CFAP74: variants seen among roughly 807,000 people sequenced by gnomAD.
The protein encoded by CFAP74 is cilia- and flagella-associated protein 74.
CFAP74 carries 124 observed loss-of-function variants against 188.9 expected under a neutral mutation model. The observed-to-expected ratio is 0.66, with a 90% CI of 0.57 to 0.76. The LOEUF (loss-of-function observed/expected upper bound fraction) is 0.76, where lower values mean the gene tolerates loss of function less well. Among genes scored for constraint, CFAP74 ranks in the 30% least tolerant of loss-of-function variants. The pLI is 0.00. For missense variants in CFAP74, 2,198 were observed against 2,165.2 expected, an observed-to-expected ratio of 1.02 and a Z score of -0.30; for synonymous variants, 956 against 916.7, an observed-to-expected ratio of 1.04 and a Z score of -0.77.
At chr1:1,925,539 A>G (rs1452852620) in intron 33 of CFAP74, among the ~76,000 whole-genome samples, 2 of 152,130 alleles carry the variant, frequency 1.3e-5, no homozygotes, top group Non-Finnish European at 2.9e-5. Context: ...AAAGAGCGCC[A>G]AGGAGGACAG....
chr1:1,981,521 G>T, intron 6 of CFAP74, among the ~76,000 whole-genome samples: 1 of 119,178 alleles, frequency 8.4e-6, no homozygotes, highest in Non-Finnish European at 1.7e-5. Flanking sequence ...ACAGACATGG[G>T]GGCACGCAGG....
At chr1:1,945,842 A>AC in intron 20 of CFAP74, among the ~76,000 whole-genome samples, 1 of 144,026 alleles carries the variant, frequency 6.9e-6, no homozygotes. Context: ...AAAAAAAAAA[A>AC]AAAGAACAAA....
intron 18 of CFAP74, 106 bp from the exon 19 acceptor site, chr1:1,947,160 C>T: frequency 1.2e-6 from 1 of 837,722 alleles, no homozygotes. Flanking sequence ...ATCCTGGGCT[C>T]TGTTCTTTCT....
intron 9 of CFAP74, among the ~76,000 whole-genome samples, chr1:1,971,047 GCA>G (rs1283144683): frequency 2.6e-4 from 38 of 143,858 alleles, no homozygotes; most frequent in African/African-American, 8.8e-4. Context: ...GCACACACGT[GCA>G]CACACATGCT....
At chr1:1,977,061 G>A (rs1656497855) in intron 6 of CFAP74, among the ~76,000 whole-genome samples, 1 of 151,762 alleles carries the variant, frequency 6.6e-6, no homozygotes, top group Admixed American at 6.6e-5. Flanking sequence ...TGTTAGCCAG[G>A]ATGGTCTCAA....
chr1:1,971,021 TCA>T lies in CFAP74; in HGVS notation c.889-207_889-206del, dbSNP rs543959317. ...ACACGCACACCTGCACATGCACACATCACACATGCACACCTGCACACACGTGC... is the reference window on the plus strand; with the variant it reads ...ACACGCACACCTGCACATGCACACATCACATGCACACCTGCACACACGTGC... On this transcript the variant is annotated intron_variant, in intron 9 of 38. Coordinates refer to ENST00000682832, the MANE Select transcript of CFAP74 (RefSeq NM_001304360.2). 2.3e-3 allele frequency among the ~76,000 whole-genome samples: 279 copies of T among 123,940 alleles called. 1 individual carries two copies. The highest frequency in any genetic ancestry group is 8.6e-3 in the African/African-American group (270 of 31,558). 81.3% of individuals were successfully genotyped at this position (123,940 alleles called of 152,430 possible).
Position 1,973,077 on chromosome 1 carries a change from A to G in CFAP74, c.675-30T>C. ...GGGGATATGGGGCCGTCAGAGGGAA[A>G]CTCGGCATCACACGTCCCATCTGCC... On this transcript the variant is annotated intron_variant, in intron 7 of 38. Coordinates refer to ENST00000682832, the MANE Select transcript of CFAP74 (RefSeq NM_001304360.2). The surrounding 1 kb of genome is among the most constrained non-coding windows in gnomAD (Gnocchi z 6.2). 1 of 1,517,088 alleles carries G rather than the reference A, an allele frequency of 6.6e-7. No individual in the cohort carries two copies. The highest frequency in any genetic ancestry group is 9.1e-7 in the Non-Finnish European group (1 of 1,097,564). 94.0% of individuals were successfully genotyped at this position (1,517,088 alleles called of 1,614,324 possible). A position where few individuals can be genotyped will look rare whatever the true frequency, so the allele number is the denominator to read the frequency against.
chr1:1,991,213 T>C (rs13303233), intron 1 of CFAP74, among the ~76,000 whole-genome samples: 94,934 of 152,082 alleles, frequency 0.62, 31,006 homozygotes, highest in African/African-American at 0.82. Context: ...CGGTGGCTCA[T>C]GCCTGTAATC....
rs146184126 is a variant in CFAP74 at position 1,956,521 on chromosome 1, A to C, written c.2016+99T>G. 1,219 of 1,451,018 alleles carry C rather than the reference A, an allele frequency of 8.4e-4. 7 individuals are homozygous for C. In the African/African-American group the frequency reaches 0.015, roughly 18 times the overall value. 89.9% of individuals were successfully genotyped at this position (1,451,018 alleles called of 1,614,324 possible). On this transcript the variant is annotated intron_variant, in intron 17 of 38. Coordinates refer to ENST00000682832, the MANE Select transcript of CFAP74 (RefSeq NM_001304360.2). ...ACACTGCCCTCCTTCTCCCAGGCCC[A>C]CTGTTGATACCCTCATGTTGTCACC...
chr1:1,955,656 C>T (rs767306505), intron 18 of CFAP74, 35 bp downstream of exon 18: 29 of 1,607,882 alleles, frequency 1.8e-5, no homozygotes, highest in East Asian at 1.1e-4. Context: ...CCTCACCGCC[C>T]GCCCACCCTG....
At chr1:1,970,095 G>A (rs75313910) in intron 10 of CFAP74, among the ~76,000 whole-genome samples, 12 of 152,342 alleles carry the variant, frequency 7.9e-5, no homozygotes, top group East Asian at 1.9e-4. Context: ...TGGGGGGTCC[G>A]AGAGGGCAAC....
chr1:1,926,669 A>G lies in CFAP74; in HGVS notation c.3755T>C (p.Phe1252Ser). Residue 1252 changes from phenylalanine to serine, a missense_variant, in exon 30 of 39, where the codon TTC becomes TCC. Phe to Ser is a radical substitution (Grantham distance 155). Coordinates refer to ENST00000682832, the MANE Select transcript of CFAP74 (RefSeq NM_001304360.2). The stretch of plus-strand genomic sequence containing the variant: ...CGTCTCACCCACAGCGACGTCGCCG[A>G]AGTTAAAGATGGTCTTGCCTTTATG... ...TSHKGKTIFN[F>S]GDVAVGHRSI... is the part of the protein sequence containing the mutation. The G allele has an allele frequency of 1.9e-6, 3 of 1,550,066 alleles. No homozygotes were observed. The highest frequency in any genetic ancestry group is 2.4e-5 in the South Asian group (2 of 84,066).
chr1:1,938,632 A>C (rs995488500), intron 25 of CFAP74, among the ~76,000 whole-genome samples: 4 of 151,338 alleles, frequency 2.6e-5, no homozygotes, highest in Non-Finnish European at 5.9e-5. Context: ...GACACACACA[A>C]ACACACACGT....
chr1:1,956,350 G>T (rs1300939623), intron 17 of CFAP74, among the ~76,000 whole-genome samples: 2 of 152,148 alleles, frequency 1.3e-5, no homozygotes, highest in Non-Finnish European at 2.9e-5. Context: ...GGGGCCCTCG[G>T]GCCTGGAGCT....
At chr1:1,922,744 G>A in intron 37 of CFAP74, 21 bp from the exon 38 acceptor site, 3 of 1,596,732 alleles carry the variant, frequency 1.9e-6, no homozygotes, top group Non-Finnish European at 1.7e-6. Flanking sequence ...TGGGGCTCCT[G>A]TAGGCTGGCG....
At chr1:1,929,786 C>A (rs2102034157) in intron 26 of CFAP74, among the ~76,000 whole-genome samples, 1 of 152,070 alleles carries the variant, frequency 6.6e-6, no homozygotes, top group African/African-American at 2.4e-5. Flanking sequence ...GGGTTCCGGC[C>A]AGGCCAGCAG....
chr1:1,956,446 C>T (rs1161175300), intron 17 of CFAP74, among the ~76,000 whole-genome samples, 174 bp downstream of exon 17: 1 of 152,166 alleles, frequency 6.6e-6, no homozygotes, highest in Non-Finnish European at 1.5e-5. Context: ...TGCAGGTGTC[C>T]TACAGAAGAA....
rs541254730 is a variant in CFAP74, at chr1:1,979,147, G to A, written c.501-4949C>T. ...ACATGTGTGTGGTACTGAGCTGGGC[G>A]TGGGAAGGCATCATGTGACAAGGCT... On this transcript the variant is annotated intron_variant, in intron 6 of 38. Transcript: ENST00000682832. 3.8e-5 allele frequency among the ~76,000 whole-genome samples: 4 copies of A among 104,536 alleles called. No homozygotes were observed. The South Asian group carries it at 1.0e-3, about 27-fold the overall frequency. The allele number at this position is 104,536 out of a possible 152,430, so 68.6% of individuals were successfully genotyped here.
Position 1,927,710 on chromosome 1 carries a change from G to A in CFAP74, c.3424C>T (p.His1142Tyr), listed in dbSNP as rs757123173. Residue 1142 changes from histidine (H) to tyrosine (Y), a missense_variant, in exon 28 of 39, where the codon CAT becomes TAT. Coordinates refer to ENST00000682832, the MANE Select transcript of CFAP74 (RefSeq NM_001304360.2). ...KNMAPQRKDL[H>Y]GLSFSVLRAQ... ...CGAAGAACGGAGAATGACAGTCCATGCAGGTCCTTCCTCTGGGGGGCCATA... is the reference window on the plus strand; with the variant it reads ...CGAAGAACGGAGAATGACAGTCCATACAGGTCCTTCCTCTGGGGGGCCATA... The A allele has an allele frequency of 6.5e-7, 1 of 1,550,170 alleles. No individual in the cohort carries two copies. Among genetic ancestry groups the A allele is most frequent in the Non-Finnish European group, 8.7e-7 (1 of 1,146,824 alleles).
Sources: gnomAD v4.1 joint callset for allele counts (sites outside exome capture counted in the v4.1 genomes callset) on GRCh38, gnomAD v4.1.1 for gene constraint, Gnocchi (gnomAD v3.1) non-coding constraint, MANE v1.5 for transcripts, NCBI Gene and HGNC (gene_info 2026-07-23, HGNC 2026-07-21) for gene names.